SCYL2: variants seen among roughly 807,000 people sequenced by gnomAD.
SCYL2 encodes SCY1 like pseudokinase 2.
SCYL2 carries 36 observed loss-of-function variants against 100.4 expected under a neutral mutation model. The observed-to-expected ratio is 0.36, with a 90% CI of 0.27 to 0.47. The LOEUF is 0.47. Among genes scored for constraint, SCYL2 ranks in the 20% least tolerant of loss-of-function variants. The pLI is 1.00. For synonymous variants in SCYL2, 330 were observed against 359.2 expected, an observed-to-expected ratio of 0.92 and a Z score of 0.92; for missense variants, 902 against 1,083.9, an observed-to-expected ratio of 0.83 and a Z score of 2.36.
intron 1 of SCYL2, among the ~76,000 whole-genome samples, chr12:100,270,976 C>G (rs967634104): frequency 4.6e-5 from 7 of 151,746 alleles, no homozygotes; most frequent in African/African-American, 1.7e-4. Flanking sequence ...TAAAATCAGG[C>G]TTGTCTTCTG....
In SCYL2 at chr12:100,338,620, C is replaced by G; in HGVS notation, c.2238C>G (p.Phe746Leu). 6.2e-7 allele frequency: 1 copy of G among 1,613,976 alleles called. No homozygotes were observed. Among genetic ancestry groups the G allele is most frequent in the Non-Finnish European group, 8.5e-7 (1 of 1,179,886 alleles). ...CTAAATCTTCTGCTTCAAGTACTTT[C>G]ACTTCTGTTCCTTCCATGGGCATTG... ...STPKSSASST[F>L]TSVPSMGIGM... Residue 746 changes from phenylalanine to leucine, a missense_variant, in exon 18 of 18, where the codon TTC becomes TTG. Coordinates refer to ENST00000360820, the MANE Select transcript of SCYL2 (RefSeq NM_017988.6).
Position 100,267,597 on chromosome 12 carries a change from G to T in SCYL2, c.-224G>T, listed in dbSNP as rs1295816385. The T allele has an allele frequency of 6.6e-6, 1 of 152,598 alleles. No individual in the cohort carries two copies. Among genetic ancestry groups the T allele is most frequent in the East Asian group, 1.9e-4 (1 of 5,182 alleles). The allele number at this position is 152,598 out of a possible 1,614,324, so 9.5% of individuals were successfully genotyped here. A position where few individuals can be genotyped will look rare whatever the true frequency, so the allele number is the denominator to read the frequency against. ...CGGCGGTCGGCGCCCGCGCAAAGCG[G>T]GGCTGGACGAGCAGCGAGCTCCGGG... On this transcript the variant is annotated 5_prime_UTR_variant, in exon 1 of 18. Transcript: ENST00000360820.
chr12:100,333,179 A>G (rs568869741), intron 13 of SCYL2, among the ~76,000 whole-genome samples: 33 of 152,246 alleles, frequency 2.2e-4, no homozygotes, highest in African/African-American at 7.5e-4. Context: ...AGTCAATCAT[A>G]GTAAACTGCT....
At chr12:100,319,772 G>A (rs1196664781) in intron 10 of SCYL2, among the ~76,000 whole-genome samples, 1 of 152,170 alleles carries the variant, frequency 6.6e-6, no homozygotes, top group Non-Finnish European at 1.5e-5. Context: ...TTCAGTGTAA[G>A]TCTTTAGTCA....
intron 1 of SCYL2, among the ~76,000 whole-genome samples, chr12:100,268,224 C>T (rs1288580249): frequency 1.3e-5 from 2 of 152,168 alleles, no homozygotes; most frequent in Admixed American, 1.3e-4. Context: ...TGTGATGACA[C>T]TTTCTAAAAA....
intron 10 of SCYL2, 49 bp downstream of exon 10, chr12:100,317,974 G>A (rs372430746): frequency 6.7e-7 from 1 of 1,502,542 alleles, no homozygotes; most frequent in Non-Finnish European, 8.9e-7. Context: ...GATTCTTAAA[G>A]CAGAAGAAGA....
intron 6 of SCYL2, among the ~76,000 whole-genome samples, chr12:100,313,157 A>G (rs1037275904): frequency 1.3e-5 from 2 of 152,214 alleles, no homozygotes; most frequent in African/African-American, 4.8e-5. Context: ...AAATAAATAA[A>G]GAGGACTAGT....
chr12:100,320,540 T>C (rs967491562), intron 10 of SCYL2, among the ~76,000 whole-genome samples: 33 of 140,492 alleles, frequency 2.3e-4, no homozygotes, highest in African/African-American at 9.1e-4. Context: ...AGAGTGAGAC[T>C]CCGTCTCAAA....
Position 100,313,567 on chromosome 12 carries a change from T to TTA in SCYL2, c.969+29_969+30insTA, listed in dbSNP as rs1566362212. 3.3e-6 allele frequency: 4 copies of TTA among 1,212,704 alleles called. No individual in the cohort carries two copies. The Admixed American group carries it at 5.9e-5, about 18-fold the overall frequency. 75.1% of individuals were successfully genotyped at this position (1,212,704 alleles called of 1,614,324 possible). On this transcript the variant is annotated intron_variant, in intron 7 of 17. Coordinates refer to ENST00000360820, the MANE Select transcript of SCYL2 (RefSeq NM_017988.6). The stretch of plus-strand genomic sequence containing the variant: ...AGTACATGTGGATTTCTGCCTAAGA[T>TTA]GGAGGAACAAAAAATGAGTTGAAGT...
At chr12:100,327,772 C>T (rs1055672477) in intron 12 of SCYL2, among the ~76,000 whole-genome samples, 3 of 152,016 alleles carry the variant, frequency 2.0e-5, no homozygotes, top group Non-Finnish European at 4.4e-5. Context: ...CCTCGGCCTC[C>T]CAAAGTGCTG....
chr12:100,274,419 A>G (rs1386292821), intron 1 of SCYL2, among the ~76,000 whole-genome samples: 1 of 152,210 alleles, frequency 6.6e-6, no homozygotes, highest in Admixed American at 6.5e-5. Flanking sequence ...CAATTGAAAT[A>G]AATGTGTTCC....
At chr12:100,317,338 C>T (rs1161650762) in intron 9 of SCYL2, among the ~76,000 whole-genome samples, 1 of 152,156 alleles carries the variant, frequency 6.6e-6, no homozygotes, top group Non-Finnish European at 1.5e-5. Context: ...TCCCCTGTTT[C>T]AGCCGCCCAA....
Position 100,338,734 on chromosome 12 carries a change from C to T in SCYL2, c.2352C>T (p.Phe784=), listed in dbSNP as rs745664030. The change falls in exon 18 of 18, where the codon TTC becomes TTT. Residue 784 remains phenylalanine (F), a synonymous_variant. Coordinates refer to ENST00000360820, the MANE Select transcript of SCYL2 (RefSeq NM_017988.6). The stretch of plus-strand genomic sequence containing the variant: ...ATATGGGCTTTCAGACTTCAGGATT[C>T]AACATGCCCGTTAATACAAACCAGA... ...NANMGFQTSG[F]NMPVNTNQNF... 1.2e-6 allele frequency: 2 copies of T among 1,614,104 alleles called. No homozygotes were observed. Among genetic ancestry groups the T allele is most frequent in the Non-Finnish European group, 1.7e-6 (2 of 1,179,988 alleles).
At chr12:100,276,315 A>C (rs1313527497) in intron 1 of SCYL2, among the ~76,000 whole-genome samples, 1 of 152,006 alleles carries the variant, frequency 6.6e-6, no homozygotes, top group Non-Finnish European at 1.5e-5. Context: ...TGTCTTTTAA[A>C]ATTTTTATTT....
intron 2 of SCYL2, among the ~76,000 whole-genome samples, chr12:100,289,247 A>G (rs2096307828): frequency 1.3e-5 from 2 of 152,168 alleles, no homozygotes; most frequent in South Asian, 4.1e-4. Context: ...TAAATGACTG[A>G]TTTCTTTCTT....
In SCYL2 at chr12:100,283,132, A is replaced by G; in HGVS notation, c.162A>G (p.Lys54=). 1 of 1,605,584 alleles carries G rather than the reference A, an allele frequency of 6.2e-7. No individual in the cohort carries two copies. The highest frequency in any genetic ancestry group is 8.5e-7 in the Non-Finnish European group (1 of 1,176,976). Residue 54 remains lysine, a synonymous_variant, in exon 2 of 18, where the codon AAA becomes AAG. Transcript: ENST00000360820. The stretch of plus-strand genomic sequence containing the variant: ...CTTGGAAGATTTTTAATGGCACAAA[A>G]AAGTCAACAAAGCAGGTGAGTTTTA... ...GLAWKIFNGT[K]KSTKQEVAVF...
At chr12:100,302,562 T>C (rs1298247064) in intron 4 of SCYL2, among the ~76,000 whole-genome samples, 1 of 152,224 alleles carries the variant, frequency 6.6e-6, no homozygotes, top group Non-Finnish European at 1.5e-5. Context: ...ATTCTTTTCT[T>C]TAAGAATATT....
At chr12:100,332,801 A>T (rs1346648759) in intron 13 of SCYL2, among the ~76,000 whole-genome samples, 1 of 149,266 alleles carries the variant, frequency 6.7e-6, no homozygotes, top group Non-Finnish European at 1.5e-5. Context: ...TGCAGCGTTG[A>T]CCTCCTGGGC....
At position 100,267,189 on chromosome 12, in the gene SCYL2, C is replaced by A. The variant is rs147743073; in HGVS notation, c.-632C>A. 12 of 1,180,896 alleles carry A rather than the reference C, an allele frequency of 1.0e-5. No homozygotes were observed. In the African/African-American group the frequency reaches 1.7e-4, roughly 17 times the overall value. The allele number at this position is 1,180,896 out of a possible 1,614,324, so 73.2% of individuals were successfully genotyped here. A position where few individuals can be genotyped will look rare whatever the true frequency, so the allele number is the denominator to read the frequency against. On this transcript the variant is annotated 5_prime_UTR_variant, in exon 1 of 18. Transcript: ENST00000360820. The stretch of plus-strand genomic sequence containing the variant: ...CGGCAGGTCTTTTAGTCTTTTTCCC[C>A]CTCCCTTACTCTTCGTCCCCGGTCC...
Sources: allele counts gnomAD v4.1 joint callset (sites outside exome capture counted in the v4.1 genomes callset), GRCh38; gene constraint gnomAD v4.1.1; transcripts MANE v1.5; gene names NCBI Gene and HGNC (gene_info 2026-07-23, HGNC 2026-07-21).